Variants in AFF4 observed in about 807,000 individuals in gnomAD.
AFF4 encodes the protein AF4/FMR2 family member 4.
In AFF4, 13 loss-of-function variants were observed where a neutral mutation model predicts 124.8. The ratio of observed to expected loss-of-function variants is 0.10; its 90% CI spans 0.07 to 0.17. AFF4 has a LOEUF of 0.17. AFF4 is among the 10% of genes least tolerant of loss of function. AFF4 has a pLI of 1.00. For synonymous variants in AFF4, 477 were observed against 496.1 expected (o/e 0.96, Z 0.51); for missense variants, 1,092 against 1,403.8 (o/e 0.78, Z 3.55).
At chr5:132,888,990 C>T (rs1760188662) in intron 14 of AFF4, 89 bp downstream of exon 14, 2 of 1,288,516 alleles carry the variant, frequency 1.6e-6, no homozygotes, top group Non-Finnish European at 2.2e-6. Context: ...GCCACCGCGC[C>T]CGGCCAATGA....
chr5:132,920,059 CTTTTTTTT>C (rs1050904360), intron 5 of AFF4, among the ~76,000 whole-genome samples: 2 of 150,088 alleles, frequency 1.3e-5, no homozygotes, highest in Admixed American at 6.6e-5. Flanking sequence ...TTCTTTTTTT[CTTTTTTTT>C]CAGATGGAGT....
Position 132,879,458 on chromosome 5 carries a change from T to G in AFF4, c.*1601A>C, listed in dbSNP as rs1050668068. ...TTACCCAACTGGTTAGACTAAGTCA[T>G]GTACCAAAGCAATAGCTTTTCTGAA... On this transcript the variant is annotated 3_prime_UTR_variant, in exon 21 of 21. Transcript: ENST00000265343. The G allele has an allele frequency of 2.0e-5, 4 of 203,738 alleles. No homozygotes were observed. Among genetic ancestry groups the G allele is most frequent in the African/African-American group, 9.2e-5 (4 of 43,670 alleles). 12.6% of individuals were successfully genotyped at this position (203,738 alleles called of 1,614,324 possible).
intron 17 of AFF4, 79 bp downstream of exon 17, chr5:132,887,442 A>C (rs1415689016): frequency 1.5e-6 from 2 of 1,303,758 alleles, no homozygotes; most frequent in Non-Finnish European, 2.2e-6. Context: ...TTCAAGGAAA[A>C]CATTCAGAAG....
chr5:132,897,006 T>C lies in AFF4; in HGVS notation c.1624A>G (p.Ser542Gly). 6.8e-6 allele frequency: 11 copies of C among 1,614,216 alleles called. No homozygotes were observed. Among genetic ancestry groups the C allele is most frequent in the Non-Finnish European group, 8.5e-6 (10 of 1,180,032 alleles). Reference protein sequence around the residue: ...DSKTIQKGSESGRGRQKSPAQ... With the variant: ...DSKTIQKGSEGGRGRQKSPAQ... The stretch of plus-strand genomic sequence containing the variant: ...GGAGATTTCTGCCTCCCACGCCCAC[T>C]TTCTGATCCCTTTTGGATGGTTTTG... The change falls in exon 11 of 21, where the codon AGT becomes GGT. Residue 542 changes from serine (S) to glycine (G), a missense_variant. Ser to Gly is a moderately conservative substitution (Grantham distance 56). Transcript: ENST00000265343.
intron 1 of AFF4, among the ~76,000 whole-genome samples, chr5:132,950,444 G>A (rs1329510261): frequency 6.6e-6 from 1 of 152,126 alleles, no homozygotes; most frequent in African/African-American, 2.4e-5. Context: ...TTGCACTCTA[G>A]CCTGGGCAAT....
intron 4 of AFF4, among the ~76,000 whole-genome samples, chr5:132,928,292 C>T (rs1013151979): frequency 6.6e-6 from 1 of 152,012 alleles, no homozygotes; most frequent in Admixed American, 6.6e-5. Context: ...AAAGGCTTCT[C>T]ATGCTTGTAT....
At chr5:132,903,080 G>A (rs2150077219) in intron 6 of AFF4, among the ~76,000 whole-genome samples, 1 of 152,186 alleles carries the variant, frequency 6.6e-6, no homozygotes, top group African/African-American at 2.4e-5. Flanking sequence ...AAGAGAATGA[G>A]AGAAGAGTAG....
intron 2 of AFF4, 48 bp from the exon 3 acceptor site, chr5:132,934,989 A>G: frequency 7.2e-7 from 1 of 1,395,160 alleles, no homozygotes. Flanking sequence ...GCATAATCAG[A>G]AATAAAATAT....
At position 132,951,086 on chromosome 5, in the gene AFF4, G is replaced by A. The variant is rs538508603; in HGVS notation, c.-5+12173C>T. Reference sequence around the variant, plus strand: ...CTAAAATTACAAAAATTAGCCAGGCGTGGTGGTGCAAACCTGTAGTCCTAG... The same window carrying A: ...CTAAAATTACAAAAATTAGCCAGGCATGGTGGTGCAAACCTGTAGTCCTAG... On this transcript the variant is annotated intron_variant, in intron 1 of 20. Transcript: ENST00000265343. Among the ~76,000 whole-genome samples the A allele has an allele frequency of 2.3e-4, 35 of 152,190 alleles. No individual in the cohort carries two copies. The South Asian group carries it at 6.4e-3, about 28-fold the overall frequency.
rs763460536 is a variant in AFF4, at chr5:132,934,869, T to G, written c.196A>C (p.Ile66Leu). The G allele has an allele frequency of 7.4e-6, 12 of 1,614,002 alleles. No homozygotes were observed. The highest frequency in any genetic ancestry group is 3.3e-4 in the Middle Eastern group (2 of 6,084). The change falls in exon 3 of 21, where the codon ATA (isoleucine) becomes CTA (leucine). Residue 66 changes from isoleucine to leucine, a missense_variant. Transcript: ENST00000265343. ...LGNYDEMKDFIGDRSIPKLVA... is the reference protein window; with the variant it reads ...LGNYDEMKDFLGDRSIPKLVA... ...AGCTTTGGTATAGATCTGTCTCCTATGAAATCCTTCATTTCATCGTAGTTT... is the reference window on the plus strand; with the variant it reads ...AGCTTTGGTATAGATCTGTCTCCTAGGAAATCCTTCATTTCATCGTAGTTT...
rs1387581376 is a variant in AFF4 at position 132,879,081 on chromosome 5, A to G, written c.*1978T>C. 4.5e-6 allele frequency: 1 copy of G among 221,296 alleles called. No individual in the cohort carries two copies. The highest frequency in any genetic ancestry group is 2.2e-5 in the African/African-American group (1 of 44,672). The allele number at this position is 221,296 out of a possible 1,614,324, so 13.7% of individuals were successfully genotyped here. On this transcript the variant is annotated 3_prime_UTR_variant, in exon 21 of 21. Coordinates refer to ENST00000265343, the MANE Select transcript of AFF4 (RefSeq NM_014423.4). ...AGAACACACTAAGATTAAGTTAGAA[A>G]GATATCAGAGGCAATTTCTCCAAGA...
chr5:132,919,560 C>T (rs998455474), intron 5 of AFF4, among the ~76,000 whole-genome samples: 4 of 151,970 alleles, frequency 2.6e-5, no homozygotes, highest in Non-Finnish European at 5.9e-5. Flanking sequence ...TATAAAAAAA[C>T]TAGGAAAGGC....
rs775067640 is a variant in AFF4 at position 132,897,106 on chromosome 5, C to T, written c.1524G>A (p.Glu508=). 6.2e-7 allele frequency: 1 copy of T among 1,614,202 alleles called. No homozygotes were observed. The highest frequency in any genetic ancestry group is 1.1e-5 in the South Asian group (1 of 91,082). Residue 508 remains glutamate (E), a synonymous_variant, in exon 11 of 21, where the codon GAG becomes GAA. Transcript: ENST00000265343. ...SSQGYKKEGR[E]QGTGNSYTDT... ...CAGTGTAGCTATTCCCAGTGCCCTG[C>T]TCTCGGCCTTCCTTTTTGTAGCCTT...
intron 1 of AFF4, among the ~76,000 whole-genome samples, chr5:132,951,131 A>G (rs1432907587): frequency 6.6e-6 from 1 of 152,058 alleles, no homozygotes; most frequent in Non-Finnish European, 1.5e-5. Context: ...AAGCTGAAGC[A>G]GGAGAATCGC....
intron 5 of AFF4, 151 bp from the exon 6 acceptor site, chr5:132,904,555 A>C (rs1370362453): frequency 7.7e-6 from 5 of 650,602 alleles, no homozygotes; most frequent in Non-Finnish European, 1.3e-5. Context: ...CAATTTTGGG[A>C]TCAATAATGG....
chr5:132,947,507 T>C (rs1761728829), intron 1 of AFF4, among the ~76,000 whole-genome samples: 1 of 152,248 alleles, frequency 6.6e-6, no homozygotes, highest in African/African-American at 2.4e-5. Flanking sequence ...TTTGTTTTTT[T>C]CACTTAGTGT....
rs189344130 is a variant in AFF4 at position 132,893,131 on chromosome 5, T to C, written c.2308-13A>G. ...TATCATCTTCATTCTAGATGAAAAA[T>C]AGAAACCGTGGTCTGATTTTTATTC... On this transcript the variant is annotated splice_polypyrimidine_tract_variant and intron_variant, in intron 11 of 20. Coordinates refer to ENST00000265343, the MANE Select transcript of AFF4 (RefSeq NM_014423.4). 247 of 1,612,008 alleles carry C rather than the reference T, an allele frequency of 1.5e-4. 1 individual carries two copies. The African/African-American group carries it at 2.7e-3, about 18-fold the overall frequency.
chr5:132,925,178 A>AAAAT (rs59847844), intron 5 of AFF4, among the ~76,000 whole-genome samples: 10,948 of 150,946 alleles, frequency 0.073, 943 homozygotes, highest in African/African-American at 0.21. Flanking sequence ...CCATCTCAGA[A>AAAAT]AAATAAATAA....
At chr5:132,960,950 G>A (rs1477612043) in intron 1 of AFF4, among the ~76,000 whole-genome samples, 8 of 152,042 alleles carry the variant, frequency 5.3e-5, no homozygotes, top group East Asian at 3.9e-4. Context: ...TTGGCCGGGC[G>A]CAGTGCTCAT....
Sources: gnomAD v4.1 joint callset for allele counts (sites outside exome capture counted in the v4.1 genomes callset) on GRCh38, gnomAD v4.1.1 for gene constraint, MANE v1.5 for transcripts, NCBI Gene and HGNC (gene_info 2026-07-23, HGNC 2026-07-21) for gene names.